The following SEC11A variants were observed in gnomAD, a reference collection of about 807,000 sequenced individuals.
SEC11A encodes the protein SEC11 homolog A, signal peptidase complex subunit.
Under a neutral mutation model 25.6 loss-of-function variants are expected in SEC11A, and 14 were observed. The observed-to-expected ratio is 0.55, with a 90% CI of 0.36 to 0.85. The LOEUF (loss-of-function observed/expected upper bound fraction) is 0.85, where lower values mean the gene tolerates loss of function less well. Ranked by LOEUF, SEC11A falls within the 40% of genes least tolerant of loss-of-function variation. The pLI is 0.01. For missense variants in SEC11A, 153 were observed against 222.9 expected (o/e 0.69, Z 2.00); for synonymous variants, 83 against 76.4 (o/e 1.09, Z -0.45).
chr15:84,710,003 C>A (rs1898213296), intron 1 of SEC11A, among the ~76,000 whole-genome samples: 1 of 151,680 alleles, frequency 6.6e-6, no homozygotes, highest in African/African-American at 2.4e-5. Flanking sequence ...TCGGCCTCCA[C>A]CATTACAGGC....
chr15:84,688,627 A>G (rs545019098), intron 2 of SEC11A, among the ~76,000 whole-genome samples: 9 of 152,376 alleles, frequency 5.9e-5, no homozygotes, highest in Non-Finnish European at 1.2e-4. Flanking sequence ...CAACGCAGGA[A>G]TAAGTACAAA....
At chr15:84,690,949 G>A (rs983726900) in intron 2 of SEC11A, among the ~76,000 whole-genome samples, 1 of 152,014 alleles carries the variant, frequency 6.6e-6, no homozygotes, top group Admixed American at 6.6e-5. Flanking sequence ...AAAGTACAAC[G>A]AGACACTTTA....
intron 4 of SEC11A, chr15:84,680,056 T>C (rs1002964470): frequency 2.2e-5 from 18 of 828,382 alleles, no homozygotes; most frequent in Non-Finnish European, 3.2e-5. Context: ...TAAATTAACA[T>C]GATAAAACTA....
intron 3 of SEC11A, among the ~76,000 whole-genome samples, chr15:84,684,107 G>A (rs1897352378): frequency 1.3e-5 from 2 of 152,188 alleles, no homozygotes; most frequent in African/African-American, 4.8e-5. Flanking sequence ...GAAAAGCAAA[G>A]CTAAGGATTA....
At chr15:84,707,436 G>A (rs1269407210) in intron 1 of SEC11A, among the ~76,000 whole-genome samples, 1 of 151,946 alleles carries the variant, frequency 6.6e-6, no homozygotes, top group Non-Finnish European at 1.5e-5. Flanking sequence ...CACCCACCTC[G>A]GCCTCCCAAA....
At chr15:84,693,353 A>G (rs1351785252) in intron 1 of SEC11A, among the ~76,000 whole-genome samples, 1 of 151,542 alleles carries the variant, frequency 6.6e-6, no homozygotes, top group Non-Finnish European at 1.5e-5. Context: ...GGTTCAAAAA[A>G]AAAAAAGCAT....
intron 4 of SEC11A, among the ~76,000 whole-genome samples, chr15:84,674,257 C>T (rs1897077383): frequency 6.6e-6 from 1 of 151,250 alleles, no homozygotes; most frequent in Non-Finnish European, 1.5e-5. Context: ...AATGCAGTAA[C>T]TGTTATTTCT....
chr15:84,685,594 G>A (rs1897396684), intron 3 of SEC11A, among the ~76,000 whole-genome samples: 1 of 151,476 alleles, frequency 6.6e-6, no homozygotes, highest in Non-Finnish European at 1.5e-5. Context: ...AATTTCAAAG[G>A]ATCACAAATT....
chr15:84,678,879 A>T (rs1897210362), intron 4 of SEC11A, among the ~76,000 whole-genome samples: 1 of 151,964 alleles, frequency 6.6e-6, no homozygotes, highest in African/African-American at 2.4e-5. Context: ...CTGTAATCCC[A>T]GCTACTCGGG....
chr15:84,713,504 C>A (rs1250629666), intron 1 of SEC11A, among the ~76,000 whole-genome samples: 3 of 152,152 alleles, frequency 2.0e-5, no homozygotes, highest in Non-Finnish European at 4.4e-5. Flanking sequence ...CTCCCTCACC[C>A]CATGTTATCC....
At chr15:84,685,797 C>CTTTTTTTTTTT (rs72000042) in intron 3 of SEC11A, 1 of 90,810 alleles carries the variant, frequency 1.1e-5, no homozygotes, top group Non-Finnish European at 2.0e-5. Flanking sequence ...AAATAAATTT[C>CTTTTTTTTTTT]TTTTTTTTTT....
chr15:84,702,390 G>A (rs2141914476), intron 1 of SEC11A, among the ~76,000 whole-genome samples: 1 of 151,298 alleles, frequency 6.6e-6, no homozygotes, highest in Admixed American at 6.6e-5. Context: ...GAACCCGGGA[G>A]GCTCACTGCA....
intron 1 of SEC11A, among the ~76,000 whole-genome samples, chr15:84,711,417 C>A (rs1041942772): frequency 1.3e-5 from 2 of 150,790 alleles, no homozygotes; most frequent in African/African-American, 4.9e-5. Context: ...AAAAAAAAAA[C>A]AAACCTCTCA....
rs551484487 is a variant in SEC11A at position 84,696,495 on chromosome 15, T to C, written c.52-4851A>G. 2.0e-5 allele frequency among the ~76,000 whole-genome samples: 3 copies of C among 152,288 alleles called. No homozygotes were observed. In the East Asian group the frequency reaches 5.8e-4, roughly 29 times the overall value. ...CTACAGTACTGGTTAGGACAATAGA[T>C]TCTGGGCCCTAATTCAGAACCTCTG... is the stretch of plus-strand genomic sequence containing the variant. On this transcript the variant is annotated intron_variant, in intron 1 of 5. Transcript: ENST00000268220.
At chr15:84,714,739 T>C (rs543211629) in intron 1 of SEC11A, 1 of 152,296 alleles carries the variant, frequency 6.6e-6, no homozygotes. Flanking sequence ...ACCTTACAGG[T>C]GTATAAAGTG....
At chr15:84,692,899 G>A (rs947540212) in intron 1 of SEC11A, among the ~76,000 whole-genome samples, 1 of 152,210 alleles carries the variant, frequency 6.6e-6, no homozygotes, top group Non-Finnish European at 1.5e-5. Context: ...AGGCTGGAGT[G>A]CAGTGGCACA....
intron 1 of SEC11A, among the ~76,000 whole-genome samples, chr15:84,709,887 C>T (rs954096339): frequency 5.3e-5 from 8 of 152,118 alleles, no homozygotes; most frequent in Admixed American, 6.5e-5. Flanking sequence ...GGATTACAGG[C>T]GTGTGCCACC....
chr15:84,680,668 C>T (rs756115997), intron 4 of SEC11A, 45 bp downstream of exon 4: 2 of 1,545,630 alleles, frequency 1.3e-6, no homozygotes, highest in South Asian at 1.2e-5. Context: ...GAGGGCCACA[C>T]TTCAAGTGAT....
At chr15:84,706,701 G>T (rs1200308542) in intron 1 of SEC11A, among the ~76,000 whole-genome samples, 1 of 152,170 alleles carries the variant, frequency 6.6e-6, no homozygotes. Flanking sequence ...ATAAAAACAG[G>T]TGTGTATAGA....
Sources: gnomAD v4.1 joint callset for allele counts (sites outside exome capture counted in the v4.1 genomes callset) on GRCh38, gnomAD v4.1.1 for gene constraint, MANE v1.5 for transcripts, NCBI Gene and HGNC (gene_info 2026-07-23, HGNC 2026-07-21) for gene names.